The following CDADC1 variants were observed in gnomAD, a reference collection of about 807,000 sequenced individuals.
CDADC1 encodes the protein dCTP deaminase.
CDADC1 carries 39 observed loss-of-function variants against 54.9 expected under a neutral mutation model. The ratio of observed to expected loss-of-function variants is 0.71; its 90% confidence interval spans 0.55 to 0.93. The LOEUF is 0.93. Among genes scored for constraint, CDADC1 ranks in the 40% least tolerant of loss-of-function variants. The pLI is 0.00. For synonymous variants in CDADC1, 186 were observed against 204.0 expected (o/e 0.91, Z 0.75); for missense variants, 518 against 618.8 (o/e 0.84, Z 1.73).
At chr13:49,272,804 T>G (rs1319365301) in intron 5 of CDADC1, among the ~76,000 whole-genome samples, 1 of 151,936 alleles carries the variant, frequency 6.6e-6, no homozygotes, top group Non-Finnish European at 1.5e-5. Context: ...ATTACAGGCA[T>G]GCACCACCAC....
rs1389575846 is a variant in CDADC1, at chr13:49,293,031, C to G, written c.*1274C>G. ...AGGCAGCCAAGAACTGCCATAAACA[C>G]TACACAGATGGAGGGCATGGGATAG... On this transcript the variant is annotated 3_prime_UTR_variant, in exon 10 of 10. Transcript: ENST00000251108. The G allele has an allele frequency of 2.7e-5, 6 of 220,108 alleles. No individual in the cohort carries two copies. The East Asian group carries it at 7.0e-4, about 26-fold the overall frequency. 13.6% of individuals were successfully genotyped at this position (220,108 alleles called of 1,614,324 possible).
intron 2 of CDADC1, among the ~76,000 whole-genome samples, chr13:49,252,319 A>C (rs1952453993): frequency 6.6e-6 from 1 of 152,130 alleles, no homozygotes; most frequent in South Asian, 2.1e-4. Flanking sequence ...GGGGAGGGAG[A>C]GCCTCAGGAT....
intron 4 of CDADC1, chr13:49,265,875 TC>T: frequency 7.7e-7 from 1 of 1,300,760 alleles, no homozygotes; most frequent in Non-Finnish European, 1.0e-6. Flanking sequence ...CCCTCTTGAA[TC>T]AGGATTACTG....
intron 2 of CDADC1, among the ~76,000 whole-genome samples, chr13:49,254,563 C>T (rs975121797): frequency 6.6e-6 from 1 of 151,982 alleles, no homozygotes; most frequent in South Asian, 2.1e-4. Flanking sequence ...CCACCATGCC[C>T]AGCTAATTTT....
At chr13:49,252,122 G>A (rs1263261420) in intron 2 of CDADC1, among the ~76,000 whole-genome samples, 1 of 152,158 alleles carries the variant, frequency 6.6e-6, no homozygotes, top group Non-Finnish European at 1.5e-5. Context: ...GATTGACTTG[G>A]CTATATGAAA....
In CDADC1 at chr13:49,268,029, G is replaced by C. The variant is rs1952865410; in HGVS notation, c.970G>C (p.Val324Leu). The change falls in exon 5 of 10, where the codon GTT becomes CTT. Residue 324 changes from valine to leucine, a missense_variant. Coordinates refer to ENST00000251108, the MANE Select transcript of CDADC1 (RefSeq NM_030911.4). ...ACAGGAAATTGCAAGGCACTGCATG[G>C]TTCAGGCCAGGTTATTGGCATATCG... ...LPQEIARHCM[V>L]QARLLAYRTE... 6.2e-7 allele frequency: 1 copy of C among 1,612,704 alleles called. No individual in the cohort carries two copies.
chr13:49,292,812 A>C lies in CDADC1; in HGVS notation c.*1055A>C. 1 of 1,278,578 alleles carries C rather than the reference A, an allele frequency of 7.8e-7. No homozygotes were observed. The highest frequency in any genetic ancestry group is 1.5e-5 in the African/African-American group (1 of 65,534). The allele number at this position is 1,278,578 out of a possible 1,614,324, so 79.2% of individuals were successfully genotyped here. On this transcript the variant is annotated 3_prime_UTR_variant, in exon 10 of 10. Coordinates refer to ENST00000251108, the MANE Select transcript of CDADC1 (RefSeq NM_030911.4). ...GGGTGGCCTGGGGTGCTTCATGAGA[A>C]ATGTCTTCCTGGATCTGCGGTGGTC...
rs1566369906 is a variant in CDADC1 at position 49,275,716 on chromosome 13, TATATATATATAGAGAGAGAG to T, written c.1050+1378_1050+1397del. On this transcript the variant is annotated intron_variant, in intron 6 of 9. Coordinates refer to ENST00000251108, the MANE Select transcript of CDADC1 (RefSeq NM_030911.4). Reference sequence around the variant, plus strand: ...ATATATATATATATATATATATATATATATATATATAGAGAGAGAGAGAGAGAGAGAGAGAGAGAGAGAGA... The same window carrying T: ...ATATATATATATATATATATATATATAGAGAGAGAGAGAGAGAGAGAGAGA... Among the ~76,000 whole-genome samples, 9 of 58,078 alleles carry T rather than the reference TATATATATATAGAGAGAGAG, an allele frequency of 1.5e-4. No individual in the cohort carries two copies. In the South Asian group the frequency reaches 2.2e-3, roughly 14 times the overall value. 38.1% of individuals were successfully genotyped at this position (58,078 alleles called of 152,430 possible). A position where few individuals can be genotyped will look rare whatever the true frequency, so the allele number is the denominator to read the frequency against.
chr13:49,273,043 A>C (rs1179504237), intron 5 of CDADC1, among the ~76,000 whole-genome samples: 1 of 152,230 alleles, frequency 6.6e-6, no homozygotes, highest in Non-Finnish European at 1.5e-5. Context: ...CATGTTTAAC[A>C]TAAATTATAC....
intron 4 of CDADC1, among the ~76,000 whole-genome samples, chr13:49,259,743 A>C (rs1952629042): frequency 6.6e-6 from 1 of 152,028 alleles, no homozygotes; most frequent in Admixed American, 6.6e-5. Context: ...ACTACTTGAG[A>C]TAATGAGGTG....
intron 1 of CDADC1, 29 bp from the exon 2 acceptor site, chr13:49,248,842 G>A (rs1209379294): frequency 7.1e-6 from 10 of 1,399,556 alleles, no homozygotes; most frequent in Non-Finnish European, 1.0e-5. Context: ...TAGTAACAAA[G>A]TTTAAAGTGT....
At chr13:49,268,494 C>CT (rs1952880529) in intron 5 of CDADC1, among the ~76,000 whole-genome samples, 1 of 151,990 alleles carries the variant, frequency 6.6e-6, no homozygotes, top group African/African-American at 2.4e-5. Context: ...GACCTCGACT[C>CT]TAACAAAAAA....
At position 49,276,248 on chromosome 13, in the gene CDADC1, C is replaced by T. The variant is rs1251787851; in HGVS notation, c.1050+1908C>T. On this transcript the variant is annotated intron_variant, in intron 6 of 9. Transcript: ENST00000251108. ...TAGACTAACCACATGTGGCTAGTGG[C>T]GACTGTATGGGACAGTGCATTCCAA... Among the ~76,000 whole-genome samples the T allele has an allele frequency of 7.2e-5, 11 of 152,028 alleles. No homozygotes were observed. The South Asian group carries it at 8.3e-4, about 11-fold the overall frequency.
In CDADC1 at chr13:49,292,676, G is replaced by A. The variant is rs972251115; in HGVS notation, c.*919G>A. 2 of 1,231,260 alleles carry A rather than the reference G, an allele frequency of 1.6e-6. No individual in the cohort carries two copies. Among genetic ancestry groups the A allele is most frequent in the Non-Finnish European group, 2.1e-6 (2 of 963,304 alleles). The allele number at this position is 1,231,260 out of a possible 1,614,324, so 76.3% of individuals were successfully genotyped here. On this transcript the variant is annotated 3_prime_UTR_variant, in exon 10 of 10. Coordinates refer to ENST00000251108, the MANE Select transcript of CDADC1 (RefSeq NM_030911.4). Reference sequence around the variant, plus strand: ...AAGTCTTGAAAGTATGGTCATTTCAGCTATTCCAGATTGCTGTCTGTGATT... The same window carrying A: ...AAGTCTTGAAAGTATGGTCATTTCAACTATTCCAGATTGCTGTCTGTGATT...
chr13:49,271,434 A>G (rs1952962335), intron 5 of CDADC1, among the ~76,000 whole-genome samples: 1 of 152,120 alleles, frequency 6.6e-6, no homozygotes, highest in Non-Finnish European at 1.5e-5. Context: ...TAATGAGAGT[A>G]GGCTGGAGTA....
intron 7 of CDADC1, among the ~76,000 whole-genome samples, chr13:49,278,854 C>T (rs1218105968): frequency 1.3e-5 from 2 of 152,162 alleles, no homozygotes; most frequent in African/African-American, 4.8e-5. Context: ...AAATCTGGAG[C>T]ACGCATTTAT....
intron 4 of CDADC1, among the ~76,000 whole-genome samples, chr13:49,267,271 C>T (rs974484970): frequency 6.6e-6 from 1 of 152,220 alleles, no homozygotes; most frequent in African/African-American, 2.4e-5. Flanking sequence ...AATGTAAAAC[C>T]CATTCTTAAC....
intron 4 of CDADC1, among the ~76,000 whole-genome samples, chr13:49,266,848 A>C (rs898546754): frequency 6.6e-6 from 1 of 152,202 alleles, no homozygotes; most frequent in African/African-American, 2.4e-5. Flanking sequence ...TTTTTAATGC[A>C]TGGAAGAGGT....
chr13:49,260,289 T>C (rs1476625198), intron 4 of CDADC1, among the ~76,000 whole-genome samples: 1 of 152,204 alleles, frequency 6.6e-6, no homozygotes, highest in African/African-American at 2.4e-5. Flanking sequence ...TAGATATTTA[T>C]CACCTGTATA....
Sources: allele counts gnomAD v4.1 joint callset (sites outside exome capture counted in the v4.1 genomes callset), GRCh38; gene constraint gnomAD v4.1.1; transcripts MANE v1.5; gene names NCBI Gene and HGNC (gene_info 2026-07-23, HGNC 2026-07-21).